Variants in APP observed in about 807,000 individuals in gnomAD.
APP encodes amyloid-beta precursor protein.
Under a neutral mutation model 101.4 loss-of-function variants are expected in APP, and 31 were observed. That is an observed-to-expected ratio of 0.31 (90% CI 0.23 to 0.41). APP has a LOEUF of 0.41. APP is among the 10% of genes least tolerant of loss of function. APP has a pLI of 1.00. For missense variants in APP, 839 were observed against 1,003.7 expected, an observed-to-expected ratio of 0.84 and a Z score of 2.22; for synonymous variants, 366 against 364.4, an observed-to-expected ratio of 1.00 and a Z score of -0.05.
At chr21:26,106,068 T>C (rs531361912) in intron 2 of APP, among the ~76,000 whole-genome samples, 1 of 152,336 alleles carries the variant, frequency 6.6e-6, no homozygotes, top group East Asian at 1.9e-4. Context: ...AAGCACTCCC[T>C]GATAATGCCC....
At chr21:26,170,162 T>C (rs1336278815) in intron 1 of APP, among the ~76,000 whole-genome samples, 1 of 152,214 alleles carries the variant, frequency 6.6e-6, no homozygotes, top group Non-Finnish European at 1.5e-5. Flanking sequence ...AGCGAAGGAC[T>C]GGCTTTAGGG....
intron 6 of APP, among the ~76,000 whole-genome samples, chr21:26,002,659 G>A (rs1213167893): frequency 2.0e-5 from 3 of 152,198 alleles, no homozygotes; most frequent in Admixed American, 6.5e-5. Flanking sequence ...TGCAAGCACC[G>A]TGGTCATTGC....
At chr21:26,092,543 G>T (rs866976491) in intron 2 of APP, among the ~76,000 whole-genome samples, 8 of 152,206 alleles carry the variant, frequency 5.3e-5, no homozygotes, top group Admixed American at 1.3e-4. Flanking sequence ...AGGATGAACA[G>T]ATAGAGCACA....
At chr21:26,057,476 C>A (rs2046089181) in intron 3 of APP, among the ~76,000 whole-genome samples, 1 of 98,114 alleles carries the variant, frequency 1.0e-5, no homozygotes, top group Non-Finnish European at 1.9e-5. Context: ...TCACACACCA[C>A]ACACACACAC....
chr21:26,113,646 T>C lies in APP; in HGVS notation c.58-1500A>G, dbSNP rs576831919. On this transcript the variant is annotated intron_variant, in intron 1 of 17. Transcript: ENST00000346798. ...AAAATATCCAGATCATCTGCAGAAA[T>C]AGCTAGAACCCCTCAACTCCATCTG... Among the ~76,000 whole-genome samples, 4 of 152,278 alleles carry C rather than the reference T, an allele frequency of 2.6e-5. No individual in the cohort carries two copies. In the East Asian group the frequency reaches 5.8e-4, roughly 22 times the overall value.
intron 16 of APP, among the ~76,000 whole-genome samples, chr21:25,892,980 C>T (rs1430918949): frequency 6.6e-6 from 1 of 150,946 alleles, no homozygotes; most frequent in Non-Finnish European, 1.5e-5. Context: ...TTTCTGGTAA[C>T]CCTGCATCGA....
chr21:25,896,100 A>G (rs1334608767), intron 16 of APP, among the ~76,000 whole-genome samples: 1 of 152,192 alleles, frequency 6.6e-6, no homozygotes, highest in Non-Finnish European at 1.5e-5. Flanking sequence ...TCAACTCTTT[A>G]GTGGTTCCCC....
chr21:25,903,036 G>A (rs1183032046), intron 15 of APP, among the ~76,000 whole-genome samples: 1 of 151,856 alleles, frequency 6.6e-6, no homozygotes, highest in Non-Finnish European at 1.5e-5. Context: ...GCGTTTGGAG[G>A]TGTCCTTTTT....
At chr21:26,082,382 T>C (rs7275602) in intron 3 of APP, among the ~76,000 whole-genome samples, 13,716 of 152,192 alleles carry the variant, frequency 0.09, 860 homozygotes, top group African/African-American at 0.17. Flanking sequence ...AAATATTTCC[T>C]GCCCTCAAAA....
intron 3 of APP, among the ~76,000 whole-genome samples, chr21:26,079,199 G>A (rs2061550915): frequency 6.6e-6 from 1 of 152,118 alleles, no homozygotes; most frequent in Non-Finnish European, 1.5e-5. Flanking sequence ...CAGTGCTTGA[G>A]AAAGATGCTC....
At chr21:26,011,332 T>A (rs925014484) in intron 6 of APP, among the ~76,000 whole-genome samples, 3 of 152,018 alleles carry the variant, frequency 2.0e-5, no homozygotes, top group Non-Finnish European at 4.4e-5. Flanking sequence ...CACCTCAGCC[T>A]CCCAAAGTGC....
At chr21:25,910,695 T>C (rs1385159322) in intron 14 of APP, among the ~76,000 whole-genome samples, 1 of 152,234 alleles carries the variant, frequency 6.6e-6, no homozygotes, top group Non-Finnish European at 1.5e-5. Context: ...AGAAGAATCT[T>C]ACTTCTCTGA....
At chr21:25,887,823 C>T (rs1308723372) in intron 17 of APP, among the ~76,000 whole-genome samples, 1 of 152,128 alleles carries the variant, frequency 6.6e-6, no homozygotes, top group Admixed American at 6.5e-5. Flanking sequence ...GCAGGCTATA[C>T]CATCTAGATT....
At chr21:26,094,999 C>A (rs1247325042) in intron 2 of APP, among the ~76,000 whole-genome samples, 1 of 152,110 alleles carries the variant, frequency 6.6e-6, no homozygotes, top group Non-Finnish European at 1.5e-5. Flanking sequence ...GCACCCACTA[C>A]CACACCCGGC....
chr21:25,967,959 C>A (rs1006224139), intron 11 of APP, among the ~76,000 whole-genome samples: 4 of 152,150 alleles, frequency 2.6e-5, no homozygotes, highest in Non-Finnish European at 4.4e-5. Context: ...GGAAAAAGTG[C>A]TAACTCCTTG....
chr21:26,007,637 A>C (rs2043597099), intron 6 of APP, among the ~76,000 whole-genome samples: 2 of 151,790 alleles, frequency 1.3e-5, no homozygotes, highest in Non-Finnish European at 2.9e-5. Context: ...CATGAGCCTA[A>C]GTTATTAAAA....
At chr21:26,037,770 C>A (rs566731263) in intron 5 of APP, among the ~76,000 whole-genome samples, 1 of 152,276 alleles carries the variant, frequency 6.6e-6, no homozygotes, top group South Asian at 2.1e-4. Context: ...GAGTCCTTGG[C>A]TCCAATTTTC....
chr21:26,116,145 T>C lies in APP; in HGVS notation c.58-3999A>G, dbSNP rs2062430474. Among the ~76,000 whole-genome samples, 2 of 152,188 alleles carry C rather than the reference T, an allele frequency of 1.3e-5. 1 individual carries two copies. Among genetic ancestry groups the C allele is most frequent in the South Asian group, 4.1e-4 (2 of 4,834 alleles). On this transcript the variant is annotated intron_variant, in intron 1 of 17. Coordinates refer to ENST00000346798, the MANE Select transcript of APP (RefSeq NM_000484.4). The stretch of plus-strand genomic sequence containing the variant: ...CCTGACAATGAACAAAATAACCAGC[T>C]AAAAACAATGAAGCATTCATAAATT...
rs546394597 is a variant in APP at position 26,149,064 on chromosome 21, C to T, written c.57+21500G>A. On this transcript the variant is annotated intron_variant, in intron 1 of 17. Coordinates refer to ENST00000346798, the MANE Select transcript of APP (RefSeq NM_000484.4). Reference sequence around the variant, plus strand: ...CAAGTAGAGATATCAGCATTCAGAACTTCCTGCAGGAGAGGGTGAAAGAAG... The same window carrying T: ...CAAGTAGAGATATCAGCATTCAGAATTTCCTGCAGGAGAGGGTGAAAGAAG... Among the ~76,000 whole-genome samples, 37 of 152,308 alleles carry T rather than the reference C, an allele frequency of 2.4e-4. 1 individual carries two copies. The South Asian group carries it at 3.3e-3, about 14-fold the overall frequency.
Sources: gnomAD v4.1 joint callset for allele counts (sites outside exome capture counted in the v4.1 genomes callset) on GRCh38, gnomAD v4.1.1 for gene constraint, MANE v1.5 for transcripts, NCBI Gene and HGNC (gene_info 2026-07-23, HGNC 2026-07-21) for gene names.